SLC4A5: variants seen among roughly 807,000 people sequenced by gnomAD.
SLC4A5 encodes the protein electrogenic sodium bicarbonate cotransporter 4.
In SLC4A5, 96 loss-of-function variants were observed where a neutral mutation model predicts 120.4. The ratio of observed to expected loss-of-function variants is 0.80; its 90% CI spans 0.68 to 0.94. The LOEUF (loss-of-function observed/expected upper bound fraction) is 0.94. Among genes scored for constraint, SLC4A5 ranks in the 40% least tolerant of loss-of-function variants. The pLI, the probability that SLC4A5 is intolerant of heterozygous loss-of-function variation, is 0.00. For missense variants in SLC4A5, 1,259 were observed against 1,459.5 expected (o/e 0.86, Z 2.24); for synonymous variants, 550 against 571.1 (o/e 0.96, Z 0.53).
intron 5 of SLC4A5, among the ~76,000 whole-genome samples, chr2:74,321,294 C>T (rs1490439819): frequency 2.0e-5 from 3 of 152,118 alleles, no homozygotes; most frequent in East Asian, 1.9e-4. Flanking sequence ...CCTCAGACAC[C>T]CTTCAGCTCT....
chr2:74,232,990 C>G (rs1670145304), intron 23 of SLC4A5, among the ~76,000 whole-genome samples: 1 of 152,112 alleles, frequency 6.6e-6, no homozygotes, highest in Non-Finnish European at 1.5e-5. Context: ...TGGTCCAGAC[C>G]TGGATGGGGG....
At chr2:74,281,047 C>A (rs1671797892) in intron 8 of SLC4A5, among the ~76,000 whole-genome samples, 1 of 152,190 alleles carries the variant, frequency 6.6e-6, no homozygotes, top group South Asian at 2.1e-4. Flanking sequence ...CTTTCTCCAT[C>A]CTGTATGGAG....
intron 5 of SLC4A5, among the ~76,000 whole-genome samples, chr2:74,322,189 A>G (rs958860521): frequency 7.7e-6 from 1 of 129,084 alleles, no homozygotes; most frequent in African/African-American, 3.7e-5. Flanking sequence ...CTGTTATCTG[A>G]AAAAAAAAAA....
intron 30 of SLC4A5, among the ~76,000 whole-genome samples, chr2:74,220,470 G>A (rs1270209526): frequency 6.6e-6 from 1 of 152,074 alleles, no homozygotes; most frequent in Non-Finnish European, 1.5e-5. Flanking sequence ...CATTTATCCT[G>A]GCTTTCAGTG....
At chr2:74,301,529 A>G (rs1672475721) in intron 7 of SLC4A5, among the ~76,000 whole-genome samples, 1 of 152,248 alleles carries the variant, frequency 6.6e-6, no homozygotes, top group African/African-American at 2.4e-5. Context: ...GATTTACAGA[A>G]CAGACAGGAC....
chr2:74,275,255 TTGG>T (rs1310586832), intron 8 of SLC4A5, among the ~76,000 whole-genome samples: 6 of 152,120 alleles, frequency 3.9e-5, no homozygotes, highest in African/African-American at 4.8e-5. Flanking sequence ...GCTCATGCAT[TTGG>T]TGAAGGGTCC....
At chr2:74,231,206 G>C (rs367544682) in intron 25 of SLC4A5, 30 bp downstream of exon 25, 10 of 1,590,416 alleles carry the variant, frequency 6.3e-6, no homozygotes, top group Non-Finnish European at 8.6e-6. Context: ...CTCAGGCAAC[G>C]AGGCCCTAGG....
intron 8 of SLC4A5, among the ~76,000 whole-genome samples, chr2:74,272,938 T>C (rs1046057352): frequency 2.0e-5 from 3 of 152,214 alleles, no homozygotes; most frequent in Admixed American, 1.3e-4. Flanking sequence ...ACCTCTATTC[T>C]AGTTGTCTCC....
chr2:74,242,036 G>C (rs1400543615), exon 20 of SLC4A5: 2 of 1,606,674 alleles, frequency 1.2e-6, no homozygotes, highest in Non-Finnish European at 1.7e-6. Context: ...CTGAAGCATT[G>C]AACACGGTTG....
At position 74,341,506 on chromosome 2, in the gene SLC4A5, G is replaced by C. The variant is rs13390580; in HGVS notation, c.-270+952C>G. 8.3e-3 allele frequency among the ~76,000 whole-genome samples: 1,259 copies of C among 152,302 alleles called. 10 individuals are homozygous for C. The highest frequency in any genetic ancestry group is 0.012 in the African/African-American group (504 of 41,570). On this transcript the variant is annotated intron_variant, in intron 2 of 30. Coordinates refer to ENST00000394019, the Ensembl canonical transcript of SLC4A5. ...TTTCTGAGGGCAAGGACCATGTGCT[G>C]TTTAACCCCACACTGTTCCCACAGC...
intron 6 of SLC4A5, among the ~76,000 whole-genome samples, chr2:74,305,466 C>G (rs988887656): frequency 2.6e-5 from 4 of 152,104 alleles, no homozygotes; most frequent in Admixed American, 6.5e-5. Context: ...CTACAGCTTT[C>G]CCTATTATTA....
intron 25 of SLC4A5, among the ~76,000 whole-genome samples, chr2:74,229,526 G>A (rs534227834): frequency 6.6e-6 from 1 of 152,268 alleles, no homozygotes; most frequent in African/African-American, 2.4e-5. Context: ...AAAGTGCTGG[G>A]ATTACAGGCT....
chr2:74,303,043 T>C (rs1356204780), intron 7 of SLC4A5, among the ~76,000 whole-genome samples: 1 of 151,088 alleles, frequency 6.6e-6, no homozygotes, highest in Non-Finnish European at 1.5e-5. Flanking sequence ...TGTGTGTGTG[T>C]GTGCATGTGG....
At chr2:74,276,923 A>C (rs538824400) in intron 8 of SLC4A5, among the ~76,000 whole-genome samples, 2 of 152,120 alleles carry the variant, frequency 1.3e-5, no homozygotes, top group African/African-American at 4.8e-5. Flanking sequence ...CAAGCAGAAG[A>C]AGCTGGTTGC....
At chr2:74,262,773 A>G (rs1302950179) in intron 10 of SLC4A5, among the ~76,000 whole-genome samples, 1 of 152,162 alleles carries the variant, frequency 6.6e-6, no homozygotes, top group Non-Finnish European at 1.5e-5. Context: ...AGTGCATTAA[A>G]TGGGCACAAG....
At chr2:74,234,180 T>TTTC (rs1446405873) in intron 22 of SLC4A5, among the ~76,000 whole-genome samples, 2 of 145,984 alleles carry the variant, frequency 1.4e-5, no homozygotes, top group Non-Finnish European at 3.0e-5. Flanking sequence ...TCTTTCTTTC[T>TTTC]TTTTTTTTTT....
At chr2:74,253,975 A>C (rs1048409380) in intron 14 of SLC4A5, among the ~76,000 whole-genome samples, 1 of 152,238 alleles carries the variant, frequency 6.6e-6, no homozygotes, top group Non-Finnish European at 1.5e-5. Flanking sequence ...TTTTGTTTCC[A>C]AAGTCAACAT....
intron 8 of SLC4A5, among the ~76,000 whole-genome samples, chr2:74,276,022 A>C (rs1220994009): frequency 6.6e-6 from 1 of 152,190 alleles, no homozygotes; most frequent in Non-Finnish European, 1.5e-5. Context: ...TTGAAATATC[A>C]TGTCTCATGG....
At chr2:74,252,158 T>C in intron 16 of SLC4A5, 21 bp downstream of exon 16, 1 of 1,609,510 alleles carries the variant, frequency 6.2e-7, no homozygotes, top group Non-Finnish European at 8.5e-7. Flanking sequence ...GCAGGGTCAC[T>C]GGGAGGCCTG....
Sources: allele counts gnomAD v4.1 joint callset (sites outside exome capture counted in the v4.1 genomes callset), GRCh38; gene constraint gnomAD v4.1.1; transcripts MANE v1.5; gene names NCBI Gene and HGNC (gene_info 2026-07-23, HGNC 2026-07-21).